Variants in KAT14 observed in about 807,000 individuals in gnomAD.
KAT14 encodes cysteine-rich protein 2-binding protein.
Under a neutral mutation model 78.4 loss-of-function variants are expected in KAT14, and 66 were observed. The observed-to-expected ratio is 0.84, with a 90% CI of 0.69 to 1.03. The LOEUF is 1.03. Among genes scored for constraint, KAT14 ranks in the 50% least tolerant of loss-of-function variants. The pLI is 0.00. For synonymous variants in KAT14, 344 were observed against 359.4 expected, an observed-to-expected ratio of 0.96 and a Z score of 0.48; for missense variants, 870 against 972.5, an observed-to-expected ratio of 0.89 and a Z score of 1.40.
At chr20:18,154,408 G>T (rs1002663847) in intron 4 of KAT14, among the ~76,000 whole-genome samples, 1 of 152,142 alleles carries the variant, frequency 6.6e-6, no homozygotes, top group Non-Finnish European at 1.5e-5. Flanking sequence ...CGCCTCCCAG[G>T]TTCAAGCAAT....
Position 18,187,422 on chromosome 20 carries a change from A to C in KAT14, c.2309A>C (p.Glu770Ala). 6.2e-7 allele frequency: 1 copy of C among 1,614,188 alleles called. No homozygotes were observed. The highest frequency in any genetic ancestry group is 8.5e-7 in the Non-Finnish European group (1 of 1,180,030). ...YDKYYPLEST[E>A]CKHAFFLRLR... ...AAATATTACCCATTGGAGAGTACAG[A>C]GTGTAAACACGCATTCTTTCTGAGG... Residue 770 changes from glutamate to alanine, a missense_variant, in exon 11 of 11, where the codon GAG (glutamate) becomes GCG (alanine). By Grantham distance (107) the Glu-to-Ala change is moderately radical. Transcript: ENST00000688188.
intron 7 of KAT14, among the ~76,000 whole-genome samples, chr20:18,164,372 G>T (rs74901646): frequency 1.3e-5 from 2 of 152,044 alleles, no homozygotes; most frequent in Non-Finnish European, 1.5e-5. Flanking sequence ...CTAGATGTGG[G>T]CAGTATAATT....
intron 9 of KAT14, among the ~76,000 whole-genome samples, chr20:18,184,292 T>G (rs1468690585): frequency 4.6e-5 from 7 of 152,202 alleles, no homozygotes; most frequent in African/African-American, 1.7e-4. Flanking sequence ...CATTTTGAAA[T>G]GTGCCAAGCC....
At chr20:18,174,067 CAT>C (rs2038948706) in intron 7 of KAT14, among the ~76,000 whole-genome samples, 1 of 152,202 alleles carries the variant, frequency 6.6e-6, no homozygotes, top group African/African-American at 2.4e-5. Context: ...TAAATGGAGT[CAT>C]ATAATATGTG....
rs550112706 is a variant in KAT14, at chr20:18,151,238, C to T, written c.500+296C>T. Among the ~76,000 whole-genome samples, 5 of 152,132 alleles carry T rather than the reference C, an allele frequency of 3.3e-5. No individual in the cohort carries two copies. The South Asian group carries it at 1.0e-3, about 32-fold the overall frequency. ...TGGAGGCAGAGTCTTGCTCTCTCCC[C>T]CAGGCTAGAGTGCAGTGGCGTGATC... On this transcript the variant is annotated intron_variant, in intron 4 of 10. Transcript: ENST00000688188.
At chr20:18,150,174 A>G (rs991611680) in intron 3 of KAT14, among the ~76,000 whole-genome samples, 11 of 152,076 alleles carry the variant, frequency 7.2e-5, no homozygotes, top group Admixed American at 6.6e-4. Flanking sequence ...GCGCTCTGAA[A>G]ATGGGCTGAG....
intron 4 of KAT14, among the ~76,000 whole-genome samples, chr20:18,154,882 C>T (rs1318587146): frequency 6.6e-6 from 1 of 152,072 alleles, no homozygotes; most frequent in Non-Finnish European, 1.5e-5. Flanking sequence ...CTTCACTAAT[C>T]AAAACTATAC....
chr20:18,141,799 A>G (rs950665585), intron 1 of KAT14, among the ~76,000 whole-genome samples: 18 of 152,114 alleles, frequency 1.2e-4, no homozygotes, highest in Non-Finnish European at 2.2e-4. Context: ...CCGGAGAATC[A>G]CTTGAACCCA....
At chr20:18,168,973 A>G (rs1220941663) in intron 7 of KAT14, among the ~76,000 whole-genome samples, 2 of 151,308 alleles carry the variant, frequency 1.3e-5, no homozygotes, top group Admixed American at 1.3e-4. Flanking sequence ...CAGTTCTCGG[A>G]TAGTCTGTTT....
intron 7 of KAT14, among the ~76,000 whole-genome samples, chr20:18,172,532 G>A (rs2038885087): frequency 6.6e-6 from 1 of 151,896 alleles, no homozygotes; most frequent in African/African-American, 2.4e-5. Context: ...CTCCCAATGT[G>A]CTGGTATTAC....
At chr20:18,160,328 C>CT (rs1386680570) in intron 5 of KAT14, among the ~76,000 whole-genome samples, 1 of 152,174 alleles carries the variant, frequency 6.6e-6, no homozygotes, top group South Asian at 2.1e-4. Context: ...CCACTGTTGT[C>CT]TTTTGTGAAT....
intron 5 of KAT14, among the ~76,000 whole-genome samples, chr20:18,160,239 A>G (rs753984399): frequency 1.1e-4 from 16 of 152,134 alleles, no homozygotes; most frequent in South Asian, 2.1e-4. Flanking sequence ...TTGGGAAGAA[A>G]ATCAAATAGT....
At chr20:18,148,026 C>T (rs1163779002) in intron 3 of KAT14, among the ~76,000 whole-genome samples, 3 of 152,134 alleles carry the variant, frequency 2.0e-5, no homozygotes, top group African/African-American at 7.2e-5. Context: ...AACAACTGAC[C>T]AGTATTTCTA....
At chr20:18,172,401 C>CTTT (rs34582219) in intron 7 of KAT14, among the ~76,000 whole-genome samples, 1 of 129,398 alleles carries the variant, frequency 7.7e-6, no homozygotes. Flanking sequence ...CGCCTGGCCA[C>CTTT]TTTTTTTTTT....
rs560320018 is a variant in KAT14 at position 18,184,546 on chromosome 20, G to C, written c.1982-56G>C. 250 of 1,451,456 alleles carry C rather than the reference G, an allele frequency of 1.7e-4. 2 individuals carry two copies. In the Middle Eastern group the frequency reaches 7.2e-3, roughly 42 times the overall value. The allele number at this position is 1,451,456 out of a possible 1,614,324, so 89.9% of individuals were successfully genotyped here. ...ATATGTACATGCTGAACAGCTTGGT[G>C]TTCCTTAATTCTCAAAGGCATGTGG... On this transcript the variant is annotated intron_variant, in intron 9 of 10. Coordinates refer to ENST00000688188, the MANE Select transcript of KAT14 (RefSeq NM_001392073.1).
Position 18,183,283 on chromosome 20 carries a change from G to T in KAT14, c.1966G>T (p.Glu656Ter), listed in dbSNP as rs779996247. ...HIPTINSMCQ[E>*]FFWPGIDLSE... ...CCCAACGATCAACTCCATGTGTCAG[G>T]AGTTTTTTTGGCCTGGTATGTTCCC... is the stretch of plus-strand genomic sequence containing the variant. The change falls in exon 9 of 11, where the codon GAG becomes TAG. Residue 656 changes from glutamate to a stop codon, truncating the protein, a stop_gained. Coordinates refer to ENST00000688188, the MANE Select transcript of KAT14 (RefSeq NM_001392073.1). LOFTEE classifies it high-confidence loss of function. 1.2e-6 allele frequency: 2 copies of T among 1,613,624 alleles called. No individual in the cohort carries two copies. The highest frequency in any genetic ancestry group is 1.7e-6 in the Non-Finnish European group (2 of 1,179,774).
intron 7 of KAT14, 26 bp downstream of exon 7, chr20:18,162,971 C>T (rs547969643): frequency 1.9e-6 from 3 of 1,604,558 alleles, no homozygotes; most frequent in Admixed American, 3.4e-5. Flanking sequence ...TGCTGTAAAG[C>T]CCTTGGGGGC....
chr20:18,169,342 G>C (rs974417063), intron 7 of KAT14, among the ~76,000 whole-genome samples: 1 of 152,056 alleles, frequency 6.6e-6, no homozygotes, highest in Non-Finnish European at 1.5e-5. Flanking sequence ...ATCTTATGTC[G>C]AGCAAGTCTG....
intron 1 of KAT14, 27 bp downstream of exon 1, chr20:18,138,078 G>C (rs2037361183): frequency 6.9e-7 from 1 of 1,445,446 alleles, no homozygotes; most frequent in Non-Finnish European, 9.1e-7. Flanking sequence ...CGTCTCTTCC[G>C]GGCCCGCGCG....
Sources: gnomAD v4.1 joint callset for allele counts (sites outside exome capture counted in the v4.1 genomes callset) on GRCh38, gnomAD v4.1.1 for gene constraint, MANE v1.5 for transcripts, NCBI Gene and HGNC (gene_info 2026-07-23, HGNC 2026-07-21) for gene names.